LUC7L3: variants seen among roughly 807,000 people sequenced by gnomAD.
LUC7L3 encodes LUC7 like 3 pre-mRNA splicing factor, also known as luc7-like protein 3.
In LUC7L3, 6 loss-of-function variants were observed where a neutral mutation model predicts 66.8. The observed-to-expected ratio is 0.09, with a 90% CI of 0.05 to 0.18. LUC7L3 has a LOEUF of 0.18. Ranked by LOEUF, LUC7L3 falls within the 10% of genes least tolerant of loss-of-function variation. The pLI is 1.00. For synonymous variants in LUC7L3, 160 were observed against 174.7 expected (o/e 0.92, Z 0.66); for missense variants, 341 against 531.1 (o/e 0.64, Z 3.52).
chr17:50,743,303 A>G (rs553603151), intron 5 of LUC7L3, among the ~76,000 whole-genome samples: 28 of 151,832 alleles, frequency 1.8e-4, no homozygotes, highest in South Asian at 1.7e-3. Context: ...GGTTCAAGCA[A>G]TTCTTCTGCC....
intron 1 of LUC7L3, among the ~76,000 whole-genome samples, chr17:50,733,135 T>C (rs1466943970): frequency 6.6e-6 from 1 of 152,172 alleles, no homozygotes; most frequent in African/African-American, 2.4e-5. Flanking sequence ...ACAATAAAAT[T>C]AATCTTTAGA....
At chr17:50,724,088 A>T in intron 1 of LUC7L3, 1 of 357,038 alleles carries the variant, frequency 2.8e-6, no homozygotes, top group South Asian at 1.9e-5. Context: ...TGAACTCCCC[A>T]TGTACCCATG....
rs767160992 is a variant in LUC7L3 at position 50,746,537 on chromosome 17, T to C, written c.978-5T>C. The C allele has an allele frequency of 6.2e-7, 1 of 1,608,096 alleles. No individual in the cohort carries two copies. Among genetic ancestry groups the C allele is most frequent in the Non-Finnish European group, 8.5e-7 (1 of 1,178,358 alleles). ...GAAGTTGCCTTTTGGTTTTAAATTA[T>C]TAAGAAGTAGAGATCGACGAAGAAG... On this transcript the variant is annotated splice_polypyrimidine_tract_variant and splice_region_variant and intron_variant, in intron 8 of 9. Transcript: ENST00000505658.
In LUC7L3 at chr17:50,755,754, A is replaced by G. The variant is rs556924242; in HGVS notation, c.*5093A>G. 2.6e-5 allele frequency: 4 copies of G among 152,184 alleles called. No individual in the cohort carries two copies. The highest frequency in any genetic ancestry group is 5.9e-5 in the Non-Finnish European group (4 of 68,042). The allele number at this position is 152,184 out of a possible 1,614,324, so 9.4% of individuals were successfully genotyped here. On this transcript the variant is annotated 3_prime_UTR_variant, in exon 10 of 10. Transcript: ENST00000505658. Reference sequence around the variant, plus strand: ...AACTCTTACACATGCGTACCAGGGGATGGATTTAAGCATTTGTGTGTAATA... The same window carrying G: ...AACTCTTACACATGCGTACCAGGGGGTGGATTTAAGCATTTGTGTGTAATA...
In LUC7L3 at chr17:50,755,959, A is replaced by T. The variant is rs550856003; in HGVS notation, c.*5298A>T. 1 of 152,342 alleles carries T rather than the reference A, an allele frequency of 6.6e-6. No individual in the cohort carries two copies. Among genetic ancestry groups the T allele is most frequent in the East Asian group, 1.9e-4 (1 of 5,184 alleles). The allele number at this position is 152,342 out of a possible 1,614,324, so 9.4% of individuals were successfully genotyped here. Reference sequence around the variant, plus strand: ...ATCAAAAAAAGCAAGTCACAGAAGAATACATCACTATGGTTCCATTTCAAT... The same window carrying T: ...ATCAAAAAAAGCAAGTCACAGAAGATTACATCACTATGGTTCCATTTCAAT... On this transcript the variant is annotated 3_prime_UTR_variant, in exon 10 of 10. Transcript: ENST00000505658.
At chr17:50,734,898 T>C (rs1049079313) in intron 1 of LUC7L3, among the ~76,000 whole-genome samples, 1 of 152,136 alleles carries the variant, frequency 6.6e-6, no homozygotes, top group African/African-American at 2.4e-5. Context: ...ATGGGAAATA[T>C]AAATGAAATT....
intron 9 of LUC7L3, 145 bp from the exon 10 acceptor site, chr17:50,750,356 C>A: frequency 2.7e-6 from 2 of 727,586 alleles, no homozygotes; most frequent in South Asian, 3.9e-5. Flanking sequence ...CAAATTTTAT[C>A]CCTTTGGTAA....
chr17:50,736,240 T>C (rs1228474249), intron 1 of LUC7L3, among the ~76,000 whole-genome samples: 2 of 152,240 alleles, frequency 1.3e-5, no homozygotes, highest in South Asian at 2.1e-4. Flanking sequence ...TGTAGTGTTA[T>C]AAAATTAAAT....
intron 1 of LUC7L3, among the ~76,000 whole-genome samples, chr17:50,721,452 A>T (rs1968759568): frequency 6.6e-6 from 1 of 152,216 alleles, no homozygotes; most frequent in Non-Finnish European, 1.5e-5. Context: ...TCTCAGCCGT[A>T]ATCTGCTTTG....
chr17:50,736,797 T>TC, intron 1 of LUC7L3, 163 bp from the exon 2 acceptor site: 1 of 567,866 alleles, frequency 1.8e-6, no homozygotes. Flanking sequence ...AATTCAGGAG[T>TC]CTGAAAATCA....
rs192488446 is a variant in LUC7L3, at chr17:50,750,950, T to C, written c.*289T>C. On this transcript the variant is annotated 3_prime_UTR_variant, in exon 10 of 10. Transcript: ENST00000505658. The stretch of plus-strand genomic sequence containing the variant: ...CCCACATTTGTAATATAGTCGCCAT[T>C]GAAAAGTTAATTATCCTTTTTTTAG... The C allele has an allele frequency of 4.7e-4, 705 of 1,507,674 alleles. 1 individual carries two copies. The African/African-American group carries it at 9.1e-3, about 19-fold the overall frequency. 93.4% of individuals were successfully genotyped at this position (1,507,674 alleles called of 1,614,324 possible).
At chr17:50,725,874 C>T (rs563146626) in intron 1 of LUC7L3, among the ~76,000 whole-genome samples, 1 of 152,302 alleles carries the variant, frequency 6.6e-6, no homozygotes, top group Admixed American at 6.5e-5. Flanking sequence ...CTTATGCACA[C>T]AGTACATGGT....
At chr17:50,724,103 A>T (rs1255875822) in intron 1 of LUC7L3, 1 of 324,254 alleles carries the variant, frequency 3.1e-6, no homozygotes, top group East Asian at 1.1e-4. Context: ...CCCATGCCCA[A>T]TTTAGCAATA....
chr17:50,748,422 C>G (rs1292538543), intron 9 of LUC7L3: 1 of 152,130 alleles, frequency 6.6e-6, no homozygotes, highest in Non-Finnish European at 1.5e-5. Flanking sequence ...CCCAGGTGAT[C>G]CTCCCACCTC....
intron 1 of LUC7L3, among the ~76,000 whole-genome samples, chr17:50,729,919 TATATATATATATATATATATATATATGTA>T: frequency 3.2e-5 from 1 of 31,618 alleles, no homozygotes; most frequent in African/African-American, 1.0e-4. Context: ...TATATATATA[TATATATATATATATATATATATATATGTA>T]TGTATTTTGG....
Position 50,737,097 on chromosome 17 carries a change from G to C in LUC7L3, c.166+71G>C. 2.0e-6 allele frequency: 2 copies of C among 1,011,158 alleles called. 1 individual carries two copies. The highest frequency in any genetic ancestry group is 3.0e-6 in the Non-Finnish European group (2 of 672,940). The allele number at this position is 1,011,158 out of a possible 1,614,324, so 62.6% of individuals were successfully genotyped here. A position where few individuals can be genotyped will look rare whatever the true frequency, so the allele number is the denominator to read the frequency against. ...AAATGTTGAATAGGAGTGGTGAAAG[G>C]AAAAAAACTGATTATAATTCTGTGA... On this transcript the variant is annotated intron_variant, in intron 2 of 9. Transcript: ENST00000505658.
chr17:50,728,581 C>G (rs552671168), intron 1 of LUC7L3, among the ~76,000 whole-genome samples: 1 of 152,276 alleles, frequency 6.6e-6, no homozygotes, highest in South Asian at 2.1e-4. Flanking sequence ...GAGACAGAGT[C>G]TTGATCTGTT....
intron 6 of LUC7L3, 133 bp from the exon 7 acceptor site, chr17:50,744,519 C>CA: frequency 1.3e-6 from 1 of 776,948 alleles, no homozygotes; most frequent in South Asian, 2.0e-5. Context: ...ACTTGTAGTC[C>CA]AATATTACTG....
At chr17:50,721,450 G>A (rs939068847) in intron 1 of LUC7L3, among the ~76,000 whole-genome samples, 1 of 152,084 alleles carries the variant, frequency 6.6e-6, no homozygotes. Flanking sequence ...CATCTCAGCC[G>A]TAATCTGCTT....
Sources: allele counts gnomAD v4.1 joint callset (sites outside exome capture counted in the v4.1 genomes callset), GRCh38; gene constraint gnomAD v4.1.1; transcripts MANE v1.5; gene names NCBI Gene and HGNC (gene_info 2026-07-23, HGNC 2026-07-21).